Variants in CSMD1 observed in about 807,000 individuals in gnomAD.
CSMD1 encodes the protein CUB and Sushi multiple domains 1.
In CSMD1, 213 loss-of-function variants were observed where a neutral mutation model predicts 417.5. That is an observed-to-expected ratio of 0.51 (90% CI 0.46 to 0.57). The LOEUF is 0.57. Ranked by LOEUF, CSMD1 falls within the 20% of genes least tolerant of loss-of-function variation. The pLI, the probability that CSMD1 is intolerant of heterozygous loss-of-function variation, is 0.00. For synonymous variants in CSMD1, 2,862 were observed against 1,736.8 expected (o/e 1.65, Z -16.11); for missense variants, 6,923 against 4,529.7 (o/e 1.53, Z -15.17).
chr8:4,525,189 C>T (rs899044114), intron 2 of CSMD1, among the ~76,000 whole-genome samples: 6 of 152,158 alleles, frequency 3.9e-5, no homozygotes, highest in Non-Finnish European at 7.4e-5. Flanking sequence ...CTCTATGCCA[C>T]AACCCCCACC....
intron 1 of CSMD1, among the ~76,000 whole-genome samples, chr8:4,687,623 T>C (rs1359819698): frequency 1.3e-5 from 2 of 152,146 alleles, no homozygotes; most frequent in East Asian, 3.9e-4. Flanking sequence ...TCCCGGTGAA[T>C]TATGAAGTGT....
intron 1 of CSMD1, among the ~76,000 whole-genome samples, chr8:4,727,253 C>T (rs1332220448): frequency 6.6e-6 from 1 of 152,164 alleles, no homozygotes; most frequent in African/African-American, 2.4e-5. Context: ...TCTGTTTTCA[C>T]ATTAAACCAG....
intron 12 of CSMD1, among the ~76,000 whole-genome samples, chr8:3,417,656 G>A (rs1277863309): frequency 2.2e-5 from 3 of 133,706 alleles, no homozygotes; most frequent in Non-Finnish European, 5.0e-5. Context: ...TTTCGCTGAA[G>A]AGAGAGTGAG....
intron 2 of CSMD1, among the ~76,000 whole-genome samples, chr8:4,629,323 G>A (rs931265745): frequency 6.6e-6 from 1 of 152,130 alleles, no homozygotes; most frequent in Admixed American, 6.5e-5. Flanking sequence ...CAAAAACGCT[G>A]TTACTAAAAT....
intron 2 of CSMD1, among the ~76,000 whole-genome samples, chr8:4,475,339 G>C (rs754620081): frequency 6.6e-6 from 1 of 152,122 alleles, no homozygotes; most frequent in African/African-American, 2.4e-5. Context: ...TCATAAGACA[G>C]AAGCAGTATA....
chr8:2,975,253 T>A (rs1482595381), intron 55 of CSMD1, among the ~76,000 whole-genome samples: 1 of 152,202 alleles, frequency 6.6e-6, no homozygotes, highest in Non-Finnish European at 1.5e-5. Flanking sequence ...AAATCAGGCC[T>A]AAACTCTATT....
At position 4,553,601 on chromosome 8, in the gene CSMD1, G is replaced by A. The variant is rs1797965124; in HGVS notation, c.302+83741C>T. Among the ~76,000 whole-genome samples the A allele has an allele frequency of 4.6e-5, 7 of 152,136 alleles. No homozygotes were observed. The South Asian group carries it at 1.5e-3, about 32-fold the overall frequency. On this transcript the variant is annotated intron_variant, in intron 2 of 69. Transcript: ENST00000635120. The stretch of plus-strand genomic sequence containing the variant: ...TCTAAATTAGATTATTTTTGATCTA[G>A]CACTTTAGAAACCAGCTTAGCTCTA...
At chr8:4,465,481 C>T (rs887133507) in intron 2 of CSMD1, among the ~76,000 whole-genome samples, 21 of 152,256 alleles carry the variant, frequency 1.4e-4, no homozygotes, top group African/African-American at 3.1e-4. Flanking sequence ...CAAGATGGTT[C>T]GTCGTCCTCC....
intron 3 of CSMD1, among the ~76,000 whole-genome samples, chr8:4,398,969 C>T (rs139230331): frequency 1.1e-3 from 174 of 152,250 alleles, no homozygotes; most frequent in Non-Finnish European, 2.0e-3. Context: ...AAAGCTTCTT[C>T]CAGGAAACAG....
At chr8:3,688,294 G>T (rs1157175297) in intron 7 of CSMD1, among the ~76,000 whole-genome samples, 2 of 152,078 alleles carry the variant, frequency 1.3e-5, no homozygotes, top group African/African-American at 4.8e-5. Flanking sequence ...CTATAATAGA[G>T]GTGTAAAGGA....
At chr8:3,287,678 C>T (rs1284450138) in intron 25 of CSMD1, among the ~76,000 whole-genome samples, 3 of 152,134 alleles carry the variant, frequency 2.0e-5, no homozygotes, top group African/African-American at 7.2e-5. Flanking sequence ...GCTGAAGTTG[C>T]CCATCAGCTT....
At chr8:4,969,168 TTGCGTGTG>T (rs1049245582) in intron 1 of CSMD1, among the ~76,000 whole-genome samples, 1 of 152,128 alleles carries the variant, frequency 6.6e-6, no homozygotes, top group African/African-American at 2.4e-5. Context: ...TATCATGGGA[TTGCGTGTG>T]TGCGTGTGTG....
intron 12 of CSMD1, among the ~76,000 whole-genome samples, chr8:3,439,281 G>GTGTGTATATATATATATATATATATATA (rs1407744154): frequency 7.4e-5 from 4 of 54,336 alleles, no homozygotes; most frequent in Admixed American, 4.9e-4. Context: ...GGCAATGTCA[G>GTGTGTATATATATATATATATATATATA]TATATATATA....
intron 5 of CSMD1, among the ~76,000 whole-genome samples, chr8:3,957,914 G>C (rs1485853217): frequency 2.0e-5 from 3 of 152,136 alleles, no homozygotes; most frequent in South Asian, 4.1e-4. Context: ...TGTTTGGCTG[G>C]TGATCTACTT....
At position 2,954,264 on chromosome 8, in the gene CSMD1, T is replaced by A; in HGVS notation, c.9999A>T (p.Lys3333Asn). Residue 3333 changes from lysine (K) to asparagine (N), a missense_variant, in exon 65 of 70, where the codon AAA becomes AAT. Physicochemically the swap from Lys to Asn is moderately conservative, Grantham distance 94. Transcript: ENST00000635120. ...CTGTTTCATTAACTTCTCTCACTCC[T>A]TTACCTACAAGTAAAAAGACAAATT... The part of the protein sequence containing the change: ...WTGKSPVCKS[K>N]GVREVNETVT... The A allele has an allele frequency of 6.8e-7, 1 of 1,474,476 alleles. No homozygotes were observed. The highest frequency in any genetic ancestry group is 9.2e-7 in the Non-Finnish European group (1 of 1,086,322). The allele number at this position is 1,474,476 out of a possible 1,614,324, so 91.3% of individuals were successfully genotyped here.
chr8:4,224,022 C>T (rs978897333), intron 3 of CSMD1, among the ~76,000 whole-genome samples: 6 of 152,042 alleles, frequency 3.9e-5, no homozygotes, highest in Non-Finnish European at 5.9e-5. Context: ...ATCCCGGGTA[C>T]GTTATTTTAA....
At chr8:3,547,765 T>C (rs1798736800) in intron 10 of CSMD1, among the ~76,000 whole-genome samples, 1 of 152,190 alleles carries the variant, frequency 6.6e-6, no homozygotes, top group African/African-American at 2.4e-5. Context: ...AGAAATGTGT[T>C]GTGTTTTTCT....
At chr8:3,473,933 G>C (rs1446583507) in intron 11 of CSMD1, among the ~76,000 whole-genome samples, 1 of 152,144 alleles carries the variant, frequency 6.6e-6, no homozygotes, top group African/African-American at 2.4e-5. Flanking sequence ...GGCAGGAGGA[G>C]AGAGCATGTG....
chr8:4,229,759 C>A (rs897933137), intron 3 of CSMD1, among the ~76,000 whole-genome samples: 1 of 152,152 alleles, frequency 6.6e-6, no homozygotes, highest in Non-Finnish European at 1.5e-5. Flanking sequence ...CATAGCATAT[C>A]ACAATGCGAC....
Sources: gnomAD v4.1 joint callset for allele counts (sites outside exome capture counted in the v4.1 genomes callset) on GRCh38, gnomAD v4.1.1 for gene constraint, MANE v1.5 for transcripts, NCBI Gene and HGNC (gene_info 2026-07-23, HGNC 2026-07-21) for gene names.